Variants in KALRN observed in about 807,000 individuals in gnomAD.
KALRN encodes the protein kalirin RhoGEF kinase, also known as kalirin.
In KALRN, 70 loss-of-function variants were observed where a neutral mutation model predicts 353.7. The ratio of observed to expected loss-of-function variants is 0.20; its 90% CI spans 0.16 to 0.24. The LOEUF is 0.24. Ranked by LOEUF, KALRN falls within the 10% of genes least tolerant of loss-of-function variation. The probability of loss-of-function intolerance (pLI) is 1.00; values close to 1 mark genes in which losing one functional copy is unlikely to be tolerated. For missense variants in KALRN, 2,791 were observed against 3,756.7 expected, an observed-to-expected ratio of 0.74 and a Z score of 6.72; for synonymous variants, 1,391 against 1,434.8, an observed-to-expected ratio of 0.97 and a Z score of 0.69.
At chr3:124,389,528 C>CT (rs1352193214) in intron 11 of KALRN, among the ~76,000 whole-genome samples, 2 of 152,206 alleles carry the variant, frequency 1.3e-5, no homozygotes, top group Non-Finnish European at 2.9e-5. Context: ...TTAAAAATGT[C>CT]TAACTGTTTC....
At chr3:124,604,970 C>T (rs1270398922) in intron 34 of KALRN, among the ~76,000 whole-genome samples, 1 of 152,070 alleles carries the variant, frequency 6.6e-6, no homozygotes, top group Non-Finnish European at 1.5e-5. Context: ...GCCTGAGCAA[C>T]ATGGCAAAAC....
chr3:124,090,609 C>T (rs1231977511), intron 1 of KALRN, among the ~76,000 whole-genome samples: 2 of 152,176 alleles, frequency 1.3e-5, no homozygotes, highest in Non-Finnish European at 2.9e-5. Context: ...TGAGCATACT[C>T]TAATGGGGGA....
In KALRN at chr3:124,330,246, TCACACACACACACACACACACA is replaced by T. The variant is rs774251256; in HGVS notation, c.1416+274_1416+295del. 2.2e-5 allele frequency among the ~76,000 whole-genome samples: 3 copies of T among 134,308 alleles called. No individual in the cohort carries two copies. In the South Asian group the frequency reaches 7.9e-4, roughly 35 times the overall value. 88.1% of individuals were successfully genotyped at this position (134,308 alleles called of 152,430 possible). A position where few individuals can be genotyped will look rare whatever the true frequency, so the allele number is the denominator to read the frequency against. ...CGCATTCATTCTCTCTCTCTCTCTC[TCACACACACACACACACACACA>T]CACACACACACACACACACCCCATA... is the stretch of plus-strand genomic sequence containing the variant. On this transcript the variant is annotated intron_variant, in intron 8 of 59. Coordinates refer to ENST00000682506, the MANE Select transcript of KALRN (RefSeq NM_001388419.1).
intron 16 of KALRN, among the ~76,000 whole-genome samples, chr3:124,432,983 C>T (rs1028987244): frequency 2.6e-5 from 4 of 152,208 alleles, no homozygotes; most frequent in African/African-American, 9.6e-5. Context: ...AGAATTGCAA[C>T]ATATGCTCCT....
intron 51 of KALRN, among the ~76,000 whole-genome samples, chr3:124,692,384 G>A (rs546124839): frequency 2.6e-5 from 4 of 152,292 alleles, no homozygotes; most frequent in South Asian, 2.1e-4. Context: ...AAAGGGGAAC[G>A]CAAAGAAGGA....
chr3:124,664,358 T>TGC (rs1381474899), intron 45 of KALRN, among the ~76,000 whole-genome samples: 377 of 123,150 alleles, frequency 3.1e-3, no homozygotes, highest in Non-Finnish European at 4.5e-3. Flanking sequence ...TGTGTGTGTG[T>TGC]GTGTGTGTGT....
In KALRN at chr3:124,234,933, A is replaced by G; in HGVS notation, c.253A>G (p.Ser85Gly). The part of the protein sequence containing the change: ...DLRKLVTYLA[S>G]VPSEDVCKRG... Reference sequence around the variant, plus strand: ...GCGGAAACTCGTGACGTATTTGGCCAGCGTGCCAAGGTAAGGGGAAGGGGA... The same window carrying G: ...GCGGAAACTCGTGACGTATTTGGCCGGCGTGCCAAGGTAAGGGGAAGGGGA... Residue 85 changes from serine (S) to glycine (G), a missense_variant, in exon 3 of 60, where the codon AGC (serine) becomes GGC (glycine). Ser to Gly is a moderately conservative substitution (Grantham distance 56). This residue lies in a region of KALRN where 110 missense variants were observed against 204.1 expected (regional missense o/e 0.54). Coordinates refer to ENST00000682506, the MANE Select transcript of KALRN (RefSeq NM_001388419.1). The G allele has an allele frequency of 6.3e-7, 1 of 1,599,712 alleles. No individual in the cohort carries two copies. Among genetic ancestry groups the G allele is most frequent in the Non-Finnish European group, 8.5e-7 (1 of 1,172,142 alleles).
At chr3:124,563,465 T>C (rs1449345996) in intron 34 of KALRN, among the ~76,000 whole-genome samples, 1 of 152,142 alleles carries the variant, frequency 6.6e-6, no homozygotes, top group Non-Finnish European at 1.5e-5. Flanking sequence ...CCACTCCCGC[T>C]CCACAGCAAC....
chr3:124,505,493 G>T (rs2065108043), intron 33 of KALRN, among the ~76,000 whole-genome samples: 1 of 152,080 alleles, frequency 6.6e-6, no homozygotes, highest in South Asian at 2.1e-4. Context: ...AATTAGCCAG[G>T]CATGGTGGCA....
intron 17 of KALRN, among the ~76,000 whole-genome samples, chr3:124,436,995 ATCT>A (rs1560937764): frequency 6.8e-6 from 1 of 146,694 alleles, no homozygotes; most frequent in African/African-American, 2.5e-5. Context: ...TTGGTGACAG[ATCT>A]TCTCATGTGA....
intron 1 of KALRN, among the ~76,000 whole-genome samples, chr3:124,214,725 A>T (rs2077174974): frequency 6.6e-6 from 1 of 152,144 alleles, no homozygotes; most frequent in Non-Finnish European, 1.5e-5. Flanking sequence ...ACTCACTTGG[A>T]TTTGTATTCA....
rs376199199 is a variant in KALRN, at chr3:124,368,130, A to G, written c.1771-16715A>G. ...TCCCTCCCGGACGGGGCAGCTGGCC[A>G]GGCGGGGGGCTGACCCCCCCCACCT... On this transcript the variant is annotated intron_variant, in intron 10 of 59. Transcript: ENST00000682506. 9.0e-3 allele frequency among the ~76,000 whole-genome samples: 189 copies of G among 21,024 alleles called. 19 individuals carry two copies. Among genetic ancestry groups the G allele is most frequent in the Admixed American group, 0.014 (27 of 1,876 alleles). The allele number at this position is 21,024 out of a possible 152,430, so 13.8% of individuals were successfully genotyped here. A position where few individuals can be genotyped will look rare whatever the true frequency, so the allele number is the denominator to read the frequency against.
At position 124,255,985 on chromosome 3, in the gene KALRN, T is replaced by A. The variant is rs369807984; in HGVS notation, c.264-8513T>A. 1.2e-4 allele frequency among the ~76,000 whole-genome samples: 18 copies of A among 152,258 alleles called. No individual in the cohort carries two copies. The South Asian group carries it at 3.7e-3, about 32-fold the overall frequency. ...AGGAGATTGCTCTGACAGAGGATGA[T>A]CAGGCAATAATGTAGAAGAAAGATC... is the stretch of plus-strand genomic sequence containing the variant. On this transcript the variant is annotated intron_variant, in intron 3 of 59. Transcript: ENST00000682506.
intron 33 of KALRN, among the ~76,000 whole-genome samples, chr3:124,541,610 G>A (rs200092865): frequency 1.3e-5 from 2 of 151,840 alleles, no homozygotes; most frequent in East Asian, 1.9e-4. Context: ...GGATCGGCCG[G>A]GCACAGTGGC....
intron 33 of KALRN, among the ~76,000 whole-genome samples, chr3:124,507,230 T>C (rs1248505755): frequency 6.6e-6 from 1 of 152,116 alleles, no homozygotes; most frequent in Non-Finnish European, 1.5e-5. Context: ...ACCCCCAAAA[T>C]GAGAACGGTC....
intron 34 of KALRN, among the ~76,000 whole-genome samples, chr3:124,617,975 GAA>G (rs943885015): frequency 8.6e-5 from 13 of 150,972 alleles, no homozygotes; most frequent in African/African-American, 3.2e-4. Flanking sequence ...ATGAATAGGA[GAA>G]AAAGACTGGG....
chr3:124,624,169 C>T (rs1401696631), intron 34 of KALRN, among the ~76,000 whole-genome samples: 3 of 152,222 alleles, frequency 2.0e-5, no homozygotes, highest in Non-Finnish European at 4.4e-5. Context: ...TGTCCAGCAT[C>T]TCCATGCTGT....
rs140992996 is a variant in KALRN, at chr3:124,630,380, G to GTGTTTGTTTGTT, written c.5183-2018_5183-2007dup. Among the ~76,000 whole-genome samples the GTGTTTGTTTGTT allele has an allele frequency of 3.6e-3, 538 of 150,072 alleles. 2 individuals are homozygous for GTGTTTGTTTGTT. The highest frequency in any genetic ancestry group is 7.2e-3 in the African/African-American group (296 of 40,882). Reference sequence around the variant, plus strand: ...GGGTGTAGACATGAAAGGCCCAGTAGTGTTTGTTTGTTTGTTTGTTTGTTT... The same window carrying GTGTTTGTTTGTT: ...GGGTGTAGACATGAAAGGCCCAGTAGTGTTTGTTTGTTTGTTTGTTTGTTTGTTTGTTTGTTT... On this transcript the variant is annotated intron_variant, in intron 34 of 59. Coordinates refer to ENST00000682506, the MANE Select transcript of KALRN (RefSeq NM_001388419.1).
chr3:124,460,337 A>G (rs2059724342), intron 23 of KALRN, among the ~76,000 whole-genome samples: 2 of 152,360 alleles, frequency 1.3e-5, no homozygotes, highest in South Asian at 4.1e-4. Context: ...TGTGACAACA[A>G]ATAGCCAGAA....
Sources: gnomAD v4.1 joint callset for allele counts (sites outside exome capture counted in the v4.1 genomes callset) on GRCh38, gnomAD v4.1.1 for gene constraint, gnomAD v4.1.1 regional missense constraint, MANE v1.5 for transcripts, NCBI Gene and HGNC (gene_info 2026-07-23, HGNC 2026-07-21) for gene names.